CREBBP: variants seen among roughly 807,000 people sequenced by gnomAD.
The protein encoded by CREBBP is CREB-binding protein.
In CREBBP, 19 loss-of-function variants were observed where a neutral mutation model predicts 265.0. That is an observed-to-expected ratio of 0.07 (90% confidence interval 0.05 to 0.11). The LOEUF is 0.11. Ranked by LOEUF, CREBBP falls within the 10% of genes least tolerant of loss-of-function variation. CREBBP has a pLI of 1.00. For synonymous variants in CREBBP, 1,457 were observed against 1,223.7 expected (o/e 1.19, Z -3.98); for missense variants, 2,525 against 3,219.0 (o/e 0.78, Z 5.22).
At chr16:3,791,257 C>G (rs2053500932) in intron 5 of CREBBP, 1 of 152,704 alleles carries the variant, frequency 6.5e-6, no homozygotes, top group African/African-American at 2.4e-5. Context: ...CTGCCTGAAG[C>G]CTACAAATGG....
Position 3,770,894 on chromosome 16 carries a change from T to C in CREBBP, c.2556A>G (p.Pro852=), listed in dbSNP as rs376785573. ...AAGCAGGAGGCGGTGTTGGGTGCAGTGGTGACTGTGTCACTGGAGGGCAAG... is the reference window on the plus strand; with the variant it reads ...AAGCAGGAGGCGGTGTTGGGTGCAGCGGTGACTGTGTCACTGGAGGGCAAG... ...QLPCPPVTQS[P]LHPTPPPAST... is the part of the protein sequence containing the mutation. The change falls in exon 14 of 31, where the codon CCA becomes CCG. Residue 852 remains proline (P), a synonymous_variant. Coordinates refer to ENST00000262367, the MANE Select transcript of CREBBP (RefSeq NM_004380.3). 6.2e-7 allele frequency: 1 copy of C among 1,613,716 alleles called. No individual in the cohort carries two copies. Among genetic ancestry groups the C allele is most frequent in the Non-Finnish European group, 8.5e-7 (1 of 1,179,976 alleles).
At chr16:3,849,436 T>TGTGTGTGTGTGTGTGTG (rs2054758342) in intron 2 of CREBBP, among the ~76,000 whole-genome samples, 6 of 11,400 alleles carry the variant, frequency 5.3e-4, no homozygotes, top group Non-Finnish European at 3.1e-3. Flanking sequence ...TGTGTGTGTG[T>TGTGTGTGTGTGTGTGTG]GTGTGTGTGT....
intron 5 of CREBBP, 134 bp downstream of exon 5, chr16:3,791,847 G>A (rs1190544013): frequency 1.3e-5 from 10 of 786,532 alleles, no homozygotes; most frequent in South Asian, 5.7e-5. Context: ...TGTACCTTGG[G>A]CTGCTGTCCG....
At chr16:3,836,371 T>C (rs1238314973) in intron 2 of CREBBP, among the ~76,000 whole-genome samples, 3 of 148,986 alleles carry the variant, frequency 2.0e-5, no homozygotes, top group Non-Finnish European at 3.0e-5. Context: ...GAGGTGGAGG[T>C]TGCAGTGAGC....
At chr16:3,859,200 T>G (rs1455550804) in intron 1 of CREBBP, among the ~76,000 whole-genome samples, 3 of 152,088 alleles carry the variant, frequency 2.0e-5, no homozygotes, top group Admixed American at 1.3e-4. Context: ...TTATTTTTTA[T>G]TTTTTTATTT....
At chr16:3,837,435 G>A (rs1161616667) in intron 2 of CREBBP, among the ~76,000 whole-genome samples, 2 of 152,102 alleles carry the variant, frequency 1.3e-5, no homozygotes, top group Non-Finnish European at 2.9e-5. Flanking sequence ...GGGCAACATG[G>A]TAAAACCTCG....
chr16:3,772,477 G>C (rs1245913893), intron 13 of CREBBP, among the ~76,000 whole-genome samples: 1 of 152,096 alleles, frequency 6.6e-6, no homozygotes, highest in Admixed American at 6.5e-5. Flanking sequence ...TTCTAGAGCA[G>C]GGGTTGGCAA....
intron 16 of CREBBP, among the ~76,000 whole-genome samples, chr16:3,759,712 C>T (rs1404351318): frequency 6.6e-6 from 1 of 151,954 alleles, no homozygotes; most frequent in Non-Finnish European, 1.5e-5. Context: ...TAAATGTAAA[C>T]AGTAATAGAG....
chr16:3,804,796 C>G (rs1301089312), intron 3 of CREBBP, among the ~76,000 whole-genome samples: 1 of 152,204 alleles, frequency 6.6e-6, no homozygotes, highest in East Asian at 1.9e-4. Context: ...AACCTTCTGG[C>G]TAGGCCTCCA....
At chr16:3,802,347 G>C (rs2053734539) in intron 3 of CREBBP, among the ~76,000 whole-genome samples, 1 of 151,682 alleles carries the variant, frequency 6.6e-6, no homozygotes, top group Non-Finnish European at 1.5e-5. Context: ...AGCCAGACTG[G>C]TCTCAAACTC....
At chr16:3,767,113 A>G (rs756175393) in intron 16 of CREBBP, among the ~76,000 whole-genome samples, 13 of 152,150 alleles carry the variant, frequency 8.5e-5, no homozygotes, top group Non-Finnish European at 1.5e-4. Context: ...CTGTGGATAC[A>G]TCTCAAATGG....
chr16:3,861,857 T>C (rs769292459), intron 1 of CREBBP, among the ~76,000 whole-genome samples: 2 of 151,704 alleles, frequency 1.3e-5, no homozygotes, highest in Non-Finnish European at 2.9e-5. Flanking sequence ...GACACACCAA[T>C]CCCTAATTAG....
At chr16:3,851,030 G>T (rs1451321280) in intron 1 of CREBBP, 21 bp from the exon 2 acceptor site, 7 of 1,607,568 alleles carry the variant, frequency 4.4e-6, no homozygotes, top group Non-Finnish European at 6.0e-6. Context: ...AACAGAAATG[G>T]AAATGAGAAA....
rs761303025 is a variant in CREBBP at position 3,767,695 on chromosome 16, A to C, written c.3250+25T>G. The C allele has an allele frequency of 1.7e-5, 27 of 1,614,136 alleles. No individual in the cohort carries two copies. The African/African-American group carries it at 2.7e-4, about 16-fold the overall frequency. On this transcript the variant is annotated intron_variant, in intron 16 of 30. Transcript: ENST00000262367. ...CACCGTGGAAAAGCAGCATGCTTTA[A>C]TAAGGTAATGAATAAATGGCCTACT... is the stretch of plus-strand genomic sequence containing the variant.
At chr16:3,806,031 G>A (rs1023030449) in intron 3 of CREBBP, among the ~76,000 whole-genome samples, 1 of 152,200 alleles carries the variant, frequency 6.6e-6, no homozygotes, top group Non-Finnish European at 1.5e-5. Context: ...ATTGTGAATC[G>A]GGAGGACTGG....
chr16:3,851,668 C>A (rs2054840304), intron 1 of CREBBP, among the ~76,000 whole-genome samples: 1 of 151,704 alleles, frequency 6.6e-6, no homozygotes, highest in Non-Finnish European at 1.5e-5. Flanking sequence ...TCCTGGCTAA[C>A]ACGGTGAAAC....
At chr16:3,808,203 G>A (rs1383197655) in intron 3 of CREBBP, among the ~76,000 whole-genome samples, 1 of 151,916 alleles carries the variant, frequency 6.6e-6, no homozygotes, top group African/African-American at 2.4e-5. Flanking sequence ...AAAAGAAGTG[G>A]TTCTACTTTT....
intron 2 of CREBBP, among the ~76,000 whole-genome samples, chr16:3,818,386 C>A (rs2054080077): frequency 1.3e-5 from 2 of 148,514 alleles, no homozygotes; most frequent in African/African-American, 5.0e-5. Flanking sequence ...CAGCTCACTG[C>A]AACCTCTGCC....
intron 3 of CREBBP, among the ~76,000 whole-genome samples, chr16:3,798,624 A>G (rs2053652833): frequency 6.6e-6 from 1 of 152,250 alleles, no homozygotes. Flanking sequence ...GACCACAGTG[A>G]GATACCACTT....
Sources: allele counts gnomAD v4.1 joint callset (sites outside exome capture counted in the v4.1 genomes callset), GRCh38; gene constraint gnomAD v4.1.1; transcripts MANE v1.5; gene names NCBI Gene and HGNC (gene_info 2026-07-23, HGNC 2026-07-21).